Variants in KLHL2 observed in about 807,000 individuals in gnomAD.
KLHL2 encodes the protein kelch like family member 2.
In KLHL2, 15 loss-of-function variants were observed where a neutral mutation model predicts 75.8. The ratio of observed to expected loss-of-function variants is 0.20; its 90% CI spans 0.13 to 0.30. The LOEUF (loss-of-function observed/expected upper bound fraction) is 0.30. KLHL2 is among the 10% of genes least tolerant of loss of function. KLHL2 has a pLI of 1.00. For synonymous variants in KLHL2, 214 were observed against 251.9 expected (o/e 0.85, Z 1.42); for missense variants, 381 against 741.0 (o/e 0.51, Z 5.64).
chr4:165,304,523 T>C (rs1372649161), intron 8 of KLHL2, among the ~76,000 whole-genome samples: 3 of 152,258 alleles, frequency 2.0e-5, no homozygotes, highest in Non-Finnish European at 4.4e-5. Context: ...TGCCATTCTT[T>C]ACAGTTTTTG....
At chr4:165,218,423 TC>T (rs1307083482) in intron 1 of KLHL2, among the ~76,000 whole-genome samples, 2 of 152,126 alleles carry the variant, frequency 1.3e-5, no homozygotes, top group Non-Finnish European at 2.9e-5. Flanking sequence ...ATCCGGATGT[TC>T]CCACACCCCC....
intron 8 of KLHL2, among the ~76,000 whole-genome samples, chr4:165,300,476 C>T (rs143436513): frequency 1.4e-4 from 21 of 152,150 alleles, no homozygotes; most frequent in African/African-American, 4.6e-4. Context: ...TCATATGTAG[C>T]CATTTCAGCA....
intron 4 of KLHL2, among the ~76,000 whole-genome samples, chr4:165,248,500 C>T (rs1256819474): frequency 2.6e-5 from 4 of 152,128 alleles, no homozygotes; most frequent in Admixed American, 6.5e-5. Flanking sequence ...TGAGCAGACA[C>T]GTGCTTCCAA....
chr4:165,227,189 G>A (rs928901052), intron 2 of KLHL2, among the ~76,000 whole-genome samples: 1 of 152,046 alleles, frequency 6.6e-6, no homozygotes, highest in Non-Finnish European at 1.5e-5. Context: ...TACGGGACCT[G>A]CTTTATGTCT....
intron 3 of KLHL2, among the ~76,000 whole-genome samples, chr4:165,230,569 C>CT (rs35635891): frequency 0.25 from 35,021 of 140,342 alleles, 4,273 homozygotes; most frequent in Admixed American, 0.33. Flanking sequence ...AAGCTAGGCT[C>CT]TTTTTTTTTT....
intron 4 of KLHL2, among the ~76,000 whole-genome samples, chr4:165,250,456 A>G (rs1346735974): frequency 6.6e-6 from 1 of 152,218 alleles, no homozygotes; most frequent in Non-Finnish European, 1.5e-5. Flanking sequence ...AATAATAAGG[A>G]GCCCTTAGAT....
chr4:165,271,727 G>A (rs529617130), intron 5 of KLHL2, among the ~76,000 whole-genome samples: 5 of 152,292 alleles, frequency 3.3e-5, no homozygotes, highest in African/African-American at 1.2e-4. Context: ...GATAAATCTG[G>A]TAGAAGTTAC....
In KLHL2 at chr4:165,299,643, T is replaced by G; in HGVS notation, c.908T>G (p.Met303Arg). Residue 303 changes from methionine to arginine, a missense_variant, in exon 8 of 15, where the codon ATG (methionine) becomes AGG (arginine). Met to Arg is a moderately conservative substitution (Grantham distance 91). Around this residue, in one of 5 missense-constraint regions of KLHL2, gnomAD observed 168 missense variants for 370.4 expected, o/e 0.45. Transcript: ENST00000226725. ...KSVRTRLRTP[M>R]NLPKLMVVVG... ...GTCCGGACCCGGCTGAGGACACCCA[T>G]GAACCTTCCCAAAGTAGGATCTGTT... 6.2e-7 allele frequency: 1 copy of G among 1,606,094 alleles called. No individual in the cohort carries two copies. Among genetic ancestry groups the G allele is most frequent in the Non-Finnish European group, 8.5e-7 (1 of 1,177,378 alleles).
At chr4:165,224,860 T>C (rs1477064742) in intron 2 of KLHL2, among the ~76,000 whole-genome samples, 1 of 152,212 alleles carries the variant, frequency 6.6e-6, no homozygotes, top group Non-Finnish European at 1.5e-5. Flanking sequence ...AATCCAGTTA[T>C]AATCTTTTAG....
At chr4:165,239,818 C>T (rs767274797) in intron 4 of KLHL2, among the ~76,000 whole-genome samples, 140 of 152,324 alleles carry the variant, frequency 9.2e-4, no homozygotes, top group Non-Finnish European at 1.1e-3. Flanking sequence ...CTGTTATATA[C>T]TGTGAATCCC....
chr4:165,299,220 C>T (rs914214146), intron 7 of KLHL2, among the ~76,000 whole-genome samples: 6 of 152,068 alleles, frequency 3.9e-5, no homozygotes, highest in African/African-American at 1.4e-4. Flanking sequence ...ATATAATATC[C>T]GAAGAGTTCA....
intron 3 of KLHL2, among the ~76,000 whole-genome samples, chr4:165,233,245 T>A (rs1560990753): frequency 6.6e-6 from 1 of 152,246 alleles, no homozygotes; most frequent in Non-Finnish European, 1.5e-5. Flanking sequence ...ATGGGCCTAT[T>A]TAGAGCAAGG....
chr4:165,257,831 A>G (rs1380444036), intron 4 of KLHL2, among the ~76,000 whole-genome samples: 2 of 151,992 alleles, frequency 1.3e-5, no homozygotes, highest in Non-Finnish European at 2.9e-5. Context: ...CAGAGCTTAC[A>G]TTCCTTTGCA....
At chr4:165,294,161 T>C (rs1468076893) in intron 5 of KLHL2, among the ~76,000 whole-genome samples, 198 bp from the exon 6 acceptor site, 1 of 152,214 alleles carries the variant, frequency 6.6e-6, no homozygotes, top group East Asian at 1.9e-4. Context: ...TGCTGTTGTA[T>C]AAACAAATCA....
intron 5 of KLHL2, among the ~76,000 whole-genome samples, chr4:165,282,531 C>T (rs1198705876): frequency 5.9e-5 from 9 of 152,198 alleles, no homozygotes; most frequent in South Asian, 2.1e-4. Flanking sequence ...GTTTATTTTT[C>T]GGTTCAGTGT....
At chr4:165,264,725 T>TATATATATATATATATATATAC (rs1560783914) in intron 5 of KLHL2, among the ~76,000 whole-genome samples, 1 of 74,046 alleles carries the variant, frequency 1.4e-5, no homozygotes, top group Non-Finnish European at 2.6e-5. Flanking sequence ...TATATACATA[T>TATATATATATATATATATATAC]ATATATATAT....
At chr4:165,216,259 C>T (rs1385912431) in intron 1 of KLHL2, among the ~76,000 whole-genome samples, 1 of 152,094 alleles carries the variant, frequency 6.6e-6, no homozygotes, top group African/African-American at 2.4e-5. Flanking sequence ...GTGTCCACAG[C>T]TGGGAATTTG....
chr4:165,269,511 G>A lies in KLHL2; in HGVS notation c.544+6152G>A, dbSNP rs193230275. 5.3e-5 allele frequency among the ~76,000 whole-genome samples: 8 copies of A among 151,984 alleles called. No individual in the cohort carries two copies. The East Asian group carries it at 1.5e-3, about 29-fold the overall frequency. On this transcript the variant is annotated intron_variant, in intron 5 of 14. Transcript: ENST00000226725. ...AGCTCTCTTGTAAGGCAGGCCTGGT[G>A]GTGACAAATTCTCTCGGCATTTGCT...
chr4:165,274,059 A>C (rs1343141832), intron 5 of KLHL2, among the ~76,000 whole-genome samples: 1 of 151,386 alleles, frequency 6.6e-6, no homozygotes, highest in South Asian at 2.1e-4. Flanking sequence ...TAAAGTTAAT[A>C]TTTTTCTTTT....
Sources: allele counts gnomAD v4.1 joint callset (sites outside exome capture counted in the v4.1 genomes callset), GRCh38; gene constraint gnomAD v4.1.1; regional missense constraint gnomAD v4.1.1; transcripts MANE v1.5; gene names NCBI Gene and HGNC (gene_info 2026-07-23, HGNC 2026-07-21).